Variants in FAM199X observed in about 807,000 individuals in gnomAD.
The protein encoded by FAM199X is protein FAM199X.
In FAM199X, 4 loss-of-function variants were observed where a neutral mutation model predicts 22.9. The ratio of observed to expected loss-of-function variants is 0.17; its 90% CI spans 0.09 to 0.40. The LOEUF is 0.40. Ranked by LOEUF, FAM199X falls within the 10% of genes least tolerant of loss-of-function variation. The probability of loss-of-function intolerance (pLI) is 1.00; values close to 1 mark genes in which losing one functional copy is unlikely to be tolerated. For synonymous variants in FAM199X, 101 were observed against 112.3 expected (o/e 0.90, Z 0.64); for missense variants, 183 against 306.8 (o/e 0.60, Z 3.01).
At chrX:104,171,089 G>A (rs1490869795) in intron 1 of FAM199X, among the ~76,000 whole-genome samples, 1 of 111,141 alleles carries the variant, frequency 9.0e-6, no homozygotes, top group African/African-American at 3.3e-5. Flanking sequence ...CTTATCTTCA[G>A]AAGTGGCAGT....
At chrX:104,183,817 C>G (rs782683041) in intron 2 of FAM199X, among the ~76,000 whole-genome samples, 5 of 112,337 alleles carry the variant, frequency 4.5e-5, no homozygotes, top group African/African-American at 1.6e-4. Flanking sequence ...CACTTATGTA[C>G]TTGGACTTGT....
chrX:104,187,444 T>TA (rs1238810790), intron 4 of FAM199X, among the ~76,000 whole-genome samples: 6 of 112,145 alleles, frequency 5.4e-5, no homozygotes, highest in African/African-American at 1.6e-4. Context: ...AGTGAATACT[T>TA]ACGTTCTTAT....
intron 2 of FAM199X, among the ~76,000 whole-genome samples, chrX:104,185,075 T>TC (rs1222329842): frequency 9.7e-6 from 1 of 103,120 alleles, no homozygotes; most frequent in Admixed American, 1.0e-4. Context: ...TTTTTTTTTT[T>TC]TTTTTTTTTT....
rs782619493 is a variant in FAM199X, at chrX:104,190,318, T to C, written c.*540T>C. The C allele has an allele frequency of 1.2e-3, 132 of 112,666 alleles. No homozygotes were observed. Among genetic ancestry groups the C allele is most frequent in the Non-Finnish European group, 2.0e-3 (107 of 53,683 alleles). The allele number at this position is 112,666 out of a possible 1,213,427, so 9.3% of individuals were successfully genotyped here. ...ATTCTTGATTCCTGGTGGAAATCTTTTCTGAGGTGTGGGGGTGGGCAAGGT... is the reference window on the plus strand; with the variant it reads ...ATTCTTGATTCCTGGTGGAAATCTTCTCTGAGGTGTGGGGGTGGGCAAGGT... On this transcript the variant is annotated 3_prime_UTR_variant, in exon 6 of 6. Coordinates refer to ENST00000493442, the MANE Select transcript of FAM199X (RefSeq NM_207318.4).
chrX:104,162,619 C>T (rs1447914584), upstream of FAM199X, among the ~76,000 whole-genome samples: 1 of 112,070 alleles, frequency 8.9e-6, no homozygotes, highest in Non-Finnish European at 1.9e-5. Context: ...CAAATTCATC[C>T]TTTCCTTAAA....
chrX:104,166,195 C>G (rs1401837261), upstream of FAM199X, among the ~76,000 whole-genome samples: 2 of 112,962 alleles, frequency 1.8e-5, no homozygotes, highest in African/African-American at 6.4e-5. Flanking sequence ...CGCAGTGTGA[C>G]CTTGGCCAAG....
chrX:104,171,978 A>G (rs1921363690), intron 1 of FAM199X, among the ~76,000 whole-genome samples: 1 of 111,992 alleles, frequency 8.9e-6, no homozygotes, highest in African/African-American at 3.2e-5. Context: ...TGTACATAGT[A>G]CTGCCAAATT....
upstream of FAM199X, among the ~76,000 whole-genome samples, chrX:104,163,357 C>T (rs1256241510): frequency 8.1e-5 from 9 of 111,799 alleles, no homozygotes; most frequent in Non-Finnish European, 3.8e-5. Flanking sequence ...CTCTCAGGCT[C>T]AGATCTTCAG....
intron 1 of FAM199X, among the ~76,000 whole-genome samples, chrX:104,171,573 C>T (rs1921354048): frequency 8.9e-6 from 1 of 111,880 alleles, no homozygotes; most frequent in East Asian, 2.8e-4. Context: ...AAACTGAGGG[C>T]ATATAAAAAA....
chrX:104,173,394 T>G (rs1921407849), intron 1 of FAM199X, among the ~76,000 whole-genome samples: 2 of 111,967 alleles, frequency 1.8e-5, no homozygotes, highest in South Asian at 7.4e-4. Context: ...TTCTATTTAC[T>G]GAATTATAAT....
In FAM199X at chrX:104,166,586, C is replaced by T. The variant is rs1556373951; in HGVS notation, c.-200C>T. Reference sequence around the variant, plus strand: ...GGCGCTAACTGGGTGGCCGGTGGGCCGCTGTGGCCTCGAGCAGCCTCTTCG... The same window carrying T: ...GGCGCTAACTGGGTGGCCGGTGGGCTGCTGTGGCCTCGAGCAGCCTCTTCG... On this transcript the variant is annotated 5_prime_UTR_variant, in exon 1 of 6. Coordinates refer to ENST00000493442, the MANE Select transcript of FAM199X (RefSeq NM_207318.4). 2.1e-5 allele frequency: 7 copies of T among 325,834 alleles called. No homozygotes were observed. The highest frequency in any genetic ancestry group is 2.7e-5 in the African/African-American group (1 of 36,537). The allele number at this position is 325,834 out of a possible 1,213,427, so 26.9% of individuals were successfully genotyped here. A position where few individuals can be genotyped will look rare whatever the true frequency, so the allele number is the denominator to read the frequency against.
chrX:104,163,094 A>G (rs1414263448), upstream of FAM199X, among the ~76,000 whole-genome samples: 1 of 79,650 alleles, frequency 1.3e-5, no homozygotes, highest in Non-Finnish European at 2.3e-5. Context: ...ACTCAGCTAA[A>G]TACACACACA....
the FAM199X span, among the ~76,000 whole-genome samples, chrX:104,159,900 A>G: frequency 2.7e-5 from 3 of 112,218 alleles, no homozygotes; most frequent in African/African-American, 9.7e-5. Context: ...AGGTTGACCA[A>G]TTCTGTGGTG....
At chrX:104,157,448 G>GT in the FAM199X span, among the ~76,000 whole-genome samples, 2 of 111,332 alleles carry the variant, frequency 1.8e-5, no homozygotes, top group African/African-American at 6.5e-5. Flanking sequence ...TCCCGCGTTC[G>GT]AATCCCCACT....
chrX:104,193,261 AT>A lies in FAM199X; in HGVS notation c.*3486del, dbSNP rs1405018786. The A allele has an allele frequency of 1.8e-5, 2 of 112,078 alleles. No individual in the cohort carries two copies. The highest frequency in any genetic ancestry group is 3.8e-5 in the Non-Finnish European group (2 of 52,993). The allele number at this position is 112,078 out of a possible 1,213,427, so 9.2% of individuals were successfully genotyped here. A position where few individuals can be genotyped will look rare whatever the true frequency, so the allele number is the denominator to read the frequency against. ...CAAAAACCTTCAAATTTTAAGTTTCATTTGTGTAACTTTATTTTCGGCCTAG... is the reference window on the plus strand; with the variant it reads ...CAAAAACCTTCAAATTTTAAGTTTCATTGTGTAACTTTATTTTCGGCCTAG... On this transcript the variant is annotated 3_prime_UTR_variant, in exon 6 of 6. Transcript: ENST00000493442.
At chrX:104,174,495 T>G (rs1282957428) in intron 1 of FAM199X, among the ~76,000 whole-genome samples, 2 of 111,438 alleles carry the variant, frequency 1.8e-5, no homozygotes, top group African/African-American at 6.5e-5. Flanking sequence ...GACTCAGTAC[T>G]TACCTTTCAA....
At chrX:104,167,408 T>TG (rs1921239385) in intron 1 of FAM199X, among the ~76,000 whole-genome samples, 1 of 109,838 alleles carries the variant, frequency 9.1e-6, no homozygotes, top group South Asian at 4.0e-4. Context: ...ATAGATCTTT[T>TG]GAAAAGTGGC....
chrX:104,174,742 A>T (rs181897194), intron 1 of FAM199X, among the ~76,000 whole-genome samples: 7 of 111,944 alleles, frequency 6.3e-5, no homozygotes, highest in African/African-American at 2.3e-4. Context: ...AATATACTAA[A>T]ATATATATAC....
rs1921935179 is a variant in FAM199X, at chrX:104,191,320, T to G, written c.*1542T>G. 1 of 112,256 alleles carries G rather than the reference T, an allele frequency of 8.9e-6. No homozygotes were observed. The highest frequency in any genetic ancestry group is 1.9e-5 in the Non-Finnish European group (1 of 53,174). The allele number at this position is 112,256 out of a possible 1,213,427, so 9.3% of individuals were successfully genotyped here. A position where few individuals can be genotyped will look rare whatever the true frequency, so the allele number is the denominator to read the frequency against. On this transcript the variant is annotated 3_prime_UTR_variant, in exon 6 of 6. Coordinates refer to ENST00000493442, the MANE Select transcript of FAM199X (RefSeq NM_207318.4). ...TCCTTGAAGGTTAAAGAATGGAAAC[T>G]GGGGATAAAAATTAATACACTGCAG...
Sources: gnomAD v4.1 joint callset for allele counts (sites outside exome capture counted in the v4.1 genomes callset) on GRCh38, gnomAD v4.1.1 for gene constraint, MANE v1.5 for transcripts, NCBI Gene and HGNC (gene_info 2026-07-23, HGNC 2026-07-21) for gene names.